Variants in LRGUK observed in about 807,000 individuals in gnomAD.
The protein encoded by LRGUK is leucine rich repeats and guanylate kinase domain containing, also known as leucine-rich repeat and guanylate kinase domain-containing protein.
Under a neutral mutation model 76.0 loss-of-function variants are expected in LRGUK, and 65 were observed. The ratio of observed to expected loss-of-function variants is 0.85; its 90% CI spans 0.70 to 1.05. LRGUK has a LOEUF of 1.05. Among genes scored for constraint, LRGUK ranks in the 50% least tolerant of loss-of-function variants. LRGUK has a pLI of 0.00. For missense variants in LRGUK, 758 were observed against 732.8 expected (o/e 1.03, Z -0.40); for synonymous variants, 268 against 265.6 (o/e 1.01, Z -0.09).
At chr7:134,210,400 C>T (rs1247138126), downstream of LRGUK, 2 of 397,276 alleles carry the variant, frequency 5.0e-6, no homozygotes, top group Non-Finnish European at 4.4e-6. Context: ...AACATAATTC[C>T]AGGAAAAGGA....
intron 16 of LRGUK, among the ~76,000 whole-genome samples, chr7:134,223,561 G>A (rs1317896785): frequency 6.6e-6 from 1 of 152,128 alleles, no homozygotes; most frequent in Non-Finnish European, 1.5e-5. Flanking sequence ...AGGATTTCTG[G>A]GAAATCAAAT....
intron 17 of LRGUK, 26 bp from the exon 18 acceptor site, chr7:134,248,925 T>TG: frequency 2.1e-6 from 3 of 1,428,266 alleles, no homozygotes; most frequent in Admixed American, 2.8e-5. Context: ...TTTGGTTTTT[T>TG]TTTTTTTTTA....
At chr7:134,265,799 G>C (rs556782136), downstream of LRGUK, among the ~76,000 whole-genome samples, 17 of 152,278 alleles carry the variant, frequency 1.1e-4, no homozygotes, top group East Asian at 2.5e-3. Context: ...TGGGGGCCCT[G>C]GACCTATTCC....
intron 18 of LRGUK, among the ~76,000 whole-genome samples, chr7:134,253,862 T>C (rs1019314767): frequency 6.6e-6 from 1 of 152,204 alleles, no homozygotes; most frequent in African/African-American, 2.4e-5. Flanking sequence ...TTGATTAAAA[T>C]GTTAATGATA....
chr7:134,178,971 A>G (rs1055277098), intron 10 of LRGUK, among the ~76,000 whole-genome samples: 2 of 135,902 alleles, frequency 1.5e-5, no homozygotes, highest in African/African-American at 5.3e-5. Context: ...TTTCTGCCTT[A>G]GGAGAGAAAC....
At chr7:134,131,086 G>T (rs1275447969) in intron 1 of LRGUK, among the ~76,000 whole-genome samples, 1 of 152,148 alleles carries the variant, frequency 6.6e-6, no homozygotes, top group Non-Finnish European at 1.5e-5. Context: ...TGATTGCTAT[G>T]CAGAAAGCAC....
intron 10 of LRGUK, among the ~76,000 whole-genome samples, chr7:134,181,573 AT>A (rs1799753592): frequency 6.6e-6 from 1 of 152,008 alleles, no homozygotes; most frequent in African/African-American, 2.4e-5. Context: ...TTTTTGAAGT[AT>A]AGCCTCTGTT....
chr7:134,216,322 G>C (rs1697552424), intron 15 of LRGUK, among the ~76,000 whole-genome samples: 2 of 152,024 alleles, frequency 1.3e-5, no homozygotes, highest in Admixed American at 6.6e-5. Flanking sequence ...TAAATGAGAT[G>C]GTCTTTGTGA....
At chr7:134,258,206 G>A (rs771195616) in intron 18 of LRGUK, 51 bp from the exon 19 acceptor site, 1 of 1,610,014 alleles carries the variant, frequency 6.2e-7, no homozygotes. Context: ...GTGGCCATTA[G>A]TAGCGAATAG....
chr7:134,213,301 A>G (rs1157507462), downstream of LRGUK, among the ~76,000 whole-genome samples: 1 of 152,182 alleles, frequency 6.6e-6, no homozygotes, highest in African/African-American at 2.4e-5. Flanking sequence ...CAATACAGGA[A>G]GCAGGAGGAG....
chr7:134,129,462 CCTCTCCTCTT>C (rs1330989538), intron 1 of LRGUK, among the ~76,000 whole-genome samples: 5 of 106,328 alleles, frequency 4.7e-5, no homozygotes, highest in Non-Finnish European at 9.6e-5. Flanking sequence ...CCCCTCCCCT[CCTCTCCTCTT>C]CTCTCCTCTT....
At chr7:134,215,251 A>T (rs528147016), downstream of LRGUK, among the ~76,000 whole-genome samples, 1 of 152,090 alleles carries the variant, frequency 6.6e-6, no homozygotes, top group Non-Finnish European at 1.5e-5. Context: ...CACCTTTACT[A>T]TGGTGATAGA....
intron 16 of LRGUK, among the ~76,000 whole-genome samples, chr7:134,241,054 C>T (rs1367127915): frequency 6.6e-6 from 1 of 152,134 alleles, no homozygotes; most frequent in Non-Finnish European, 1.5e-5. Context: ...CTGAAGGAAG[C>T]ACTAAAATGG....
intron 11 of LRGUK, among the ~76,000 whole-genome samples, chr7:134,184,569 G>A (rs749147414): frequency 5.3e-5 from 8 of 151,780 alleles, no homozygotes; most frequent in Non-Finnish European, 1.0e-4. Flanking sequence ...GCGCCTGACC[G>A]AAACAAAATA....
intron 7 of LRGUK, among the ~76,000 whole-genome samples, chr7:134,167,662 G>A (rs962036982): frequency 1.3e-5 from 2 of 152,130 alleles, no homozygotes; most frequent in Non-Finnish European, 2.9e-5. Context: ...CAGAAGGGGC[G>A]GGAATGTGAA....
intron 7 of LRGUK, among the ~76,000 whole-genome samples, chr7:134,166,178 A>T (rs896445078): frequency 3.3e-5 from 5 of 152,098 alleles, no homozygotes; most frequent in African/African-American, 9.7e-5. Flanking sequence ...TCTGCTTCTC[A>T]TATGATTAAT....
At chr7:134,136,639 T>C (rs779714743) in intron 1 of LRGUK, among the ~76,000 whole-genome samples, 1 of 152,170 alleles carries the variant, frequency 6.6e-6, no homozygotes. Context: ...TAAGAGTAAC[T>C]ATCTCCATGT....
intron 19 of LRGUK, among the ~76,000 whole-genome samples, chr7:134,262,969 TCAAAAAAA>T (rs1563204167): frequency 5.5e-5 from 1 of 18,124 alleles, no homozygotes. Flanking sequence ...AGACCTGGTC[TCAAAAAAA>T]AAAAAAAAAA....
intron 17 of LRGUK, among the ~76,000 whole-genome samples, chr7:134,248,181 C>T (rs1439185550): frequency 6.6e-6 from 1 of 152,108 alleles, no homozygotes; most frequent in African/African-American, 2.4e-5. Context: ...AGGATGGTGG[C>T]CAGGAGTGAG....
Sources: allele counts gnomAD v4.1 joint callset (sites outside exome capture counted in the v4.1 genomes callset), GRCh38; gene constraint gnomAD v4.1.1; transcripts MANE v1.5; gene names NCBI Gene and HGNC (gene_info 2026-07-23, HGNC 2026-07-21).